The following SRD5A2 variants were observed in gnomAD, a reference collection of about 807,000 sequenced individuals.
SRD5A2 encodes steroid 5 alpha-reductase 2.
Under a neutral mutation model 27.4 loss-of-function variants are expected in SRD5A2, and 30 were observed. That is an observed-to-expected ratio of 1.10 (90% confidence interval 0.82 to 1.49). SRD5A2 has a LOEUF of 1.49. Among genes scored for constraint, SRD5A2 ranks in the 40% most tolerant of loss-of-function variants. SRD5A2 has a pLI of 0.00. For synonymous variants in SRD5A2, 141 were observed against 133.6 expected (o/e 1.06, Z -0.38); for missense variants, 348 against 323.4 (o/e 1.08, Z -0.58).
intron 1 of SRD5A2, among the ~76,000 whole-genome samples, chr2:31,577,735 T>C (rs906438135): frequency 6.6e-6 from 1 of 152,126 alleles, no homozygotes; most frequent in South Asian, 2.1e-4. Flanking sequence ...CTGATGCTTG[T>C]TCCTTAATGC....
Position 31,524,607 on chromosome 2 carries a change from G to A in SRD5A2, c.*1589C>T, listed in dbSNP as rs902500318. 7 of 229,784 alleles carry A rather than the reference G, an allele frequency of 3.0e-5. No individual in the cohort carries two copies. Among genetic ancestry groups the A allele is most frequent in the Admixed American group, 5.7e-5 (1 of 17,650 alleles). The allele number at this position is 229,784 out of a possible 1,614,324, so 14.2% of individuals were successfully genotyped here. A position where few individuals can be genotyped will look rare whatever the true frequency, so the allele number is the denominator to read the frequency against. On this transcript the variant is annotated 3_prime_UTR_variant, in exon 5 of 5. Transcript: ENST00000622030. The stretch of plus-strand genomic sequence containing the variant: ...CATCCATGATTTAAAGGTATTTAAT[G>A]AACAACAAAAACACTTATTTATATG...
upstream of SRD5A2, among the ~76,000 whole-genome samples, chr2:31,581,300 T>C (rs1667079344): frequency 6.6e-6 from 1 of 152,088 alleles, no homozygotes; most frequent in Admixed American, 6.5e-5. Flanking sequence ...ACACACACCC[T>C]CTGTGCCGTC....
chr2:31,528,961 C>T (rs1255981224), intron 4 of SRD5A2, among the ~76,000 whole-genome samples: 2 of 152,166 alleles, frequency 1.3e-5, no homozygotes, highest in East Asian at 3.9e-4. Context: ...CTGGTGGGCA[C>T]AGAGCCTGGG....
At chr2:31,533,098 G>T (rs1665950044) in intron 2 of SRD5A2, among the ~76,000 whole-genome samples, 1 of 152,128 alleles carries the variant, frequency 6.6e-6, no homozygotes, top group Non-Finnish European at 1.5e-5. Flanking sequence ...GCTATCATTG[G>T]TGTTAGTGAA....
chr2:31,625,538 T>C, the SRD5A2 span, among the ~76,000 whole-genome samples: 3 of 152,226 alleles, frequency 2.0e-5, no homozygotes, highest in Non-Finnish European at 2.9e-5. Flanking sequence ...AATTTTTGTA[T>C]AAAGTGTAAG....
At chr2:31,540,491 T>C (rs191237140) in intron 1 of SRD5A2, among the ~76,000 whole-genome samples, 19 of 151,904 alleles carry the variant, frequency 1.3e-4, no homozygotes, top group Admixed American at 1.2e-3. Flanking sequence ...GTAAACGTAA[T>C]AAAAAGGGGA....
At chr2:31,615,613 T>C in the SRD5A2 span, among the ~76,000 whole-genome samples, 4 of 152,120 alleles carry the variant, frequency 2.6e-5, no homozygotes, top group African/African-American at 9.6e-5. Flanking sequence ...GGAAACAGCA[T>C]AAAATTTTGG....
chr2:31,642,824 G>C, the SRD5A2 span, among the ~76,000 whole-genome samples: 1 of 152,068 alleles, frequency 6.6e-6, no homozygotes, highest in East Asian at 1.9e-4. Flanking sequence ...CAACAACTTA[G>C]CCAAACTACT....
rs1558353989 is a variant in SRD5A2 at position 31,525,240 on chromosome 2, T to C, written c.*956A>G. On this transcript the variant is annotated 3_prime_UTR_variant, in exon 5 of 5. Transcript: ENST00000622030. Reference sequence around the variant, plus strand: ...CCAGGAAAGGAAAGTTGCTTGGGGCTTCTGCTGTACTTCATATTGTTGTGG... The same window carrying C: ...CCAGGAAAGGAAAGTTGCTTGGGGCCTCTGCTGTACTTCATATTGTTGTGG... 9.0e-6 allele frequency: 2 copies of C among 222,792 alleles called. No individual in the cohort carries two copies. Among genetic ancestry groups the C allele is most frequent in the Non-Finnish European group, 1.8e-5 (2 of 111,526 alleles). 13.8% of individuals were successfully genotyped at this position (222,792 alleles called of 1,614,324 possible). A position where few individuals can be genotyped will look rare whatever the true frequency, so the allele number is the denominator to read the frequency against.
intron 1 of SRD5A2, among the ~76,000 whole-genome samples, chr2:31,561,386 T>G (rs947236268): frequency 6.6e-6 from 1 of 152,192 alleles, no homozygotes; most frequent in Admixed American, 6.5e-5. Flanking sequence ...CTTCTTCCCA[T>G]CTTACTCTGC....
At chr2:31,596,420 C>A in the SRD5A2 span, among the ~76,000 whole-genome samples, 2 of 149,904 alleles carry the variant, frequency 1.3e-5, no homozygotes, top group Non-Finnish European at 3.0e-5. Flanking sequence ...ATTCCCCCTG[C>A]AGACTGGAAC....
chr2:31,593,661 A>G, the SRD5A2 span, among the ~76,000 whole-genome samples: 1 of 152,232 alleles, frequency 6.6e-6, no homozygotes, highest in African/African-American at 2.4e-5. Context: ...TAATCTTCCT[A>G]GAGATCTAGA....
chr2:31,623,710 G>A, the SRD5A2 span, among the ~76,000 whole-genome samples: 12 of 151,948 alleles, frequency 7.9e-5, no homozygotes, highest in Middle Eastern at 9.5e-3. Context: ...TTCAAGATTC[G>A]CCCATTTAGT....
At chr2:31,579,499 T>C (rs1179128153) in intron 1 of SRD5A2, among the ~76,000 whole-genome samples, 1 of 152,206 alleles carries the variant, frequency 6.6e-6, no homozygotes, top group Non-Finnish European at 1.5e-5. Flanking sequence ...TGGGCTCTGT[T>C]CTCTTCTTGC....
the SRD5A2 span, among the ~76,000 whole-genome samples, chr2:31,587,468 C>T: frequency 6.6e-6 from 1 of 152,082 alleles, no homozygotes; most frequent in African/African-American, 2.4e-5. Flanking sequence ...TTTATGGCAG[C>T]ACTATTTACA....
At chr2:31,599,503 G>C in the SRD5A2 span, among the ~76,000 whole-genome samples, 8 of 151,918 alleles carry the variant, frequency 5.3e-5, no homozygotes, top group Admixed American at 6.6e-5. Flanking sequence ...GTAACAAGAG[G>C]AATTTTGGAA....
In SRD5A2 at chr2:31,536,731, C is replaced by CA. The variant is rs1553324523; in HGVS notation, c.282-2966dup. ...CTGTAGAAAAAGACAAAGACAATGA[C>CA]AGAAGCGGGAGAGAGTCTATTAGCC... On this transcript the variant is annotated intron_variant, in intron 1 of 4. Coordinates refer to ENST00000622030, the MANE Select transcript of SRD5A2 (RefSeq NM_000348.4). Among the ~76,000 whole-genome samples, 1,252 of 152,184 alleles carry CA rather than the reference C, an allele frequency of 8.2e-3. 13 individuals carry two copies. Among genetic ancestry groups the CA allele is most frequent in the Non-Finnish European group, 0.011 (770 of 68,018 alleles).
chr2:31,526,148 G>A lies in SRD5A2; in HGVS notation c.*48C>T. On this transcript the variant is annotated 3_prime_UTR_variant, in exon 5 of 5. Coordinates refer to ENST00000622030, the MANE Select transcript of SRD5A2 (RefSeq NM_000348.4). ...AAATTACAGTTTCAGCAGCTTGACA[G>A]TTTTCATCAGCATTGTGGGAGCTCT... is the stretch of plus-strand genomic sequence containing the variant. 1 of 1,221,604 alleles carries A rather than the reference G, an allele frequency of 8.2e-7. No individual in the cohort carries two copies. The highest frequency in any genetic ancestry group is 1.2e-6 in the Non-Finnish European group (1 of 851,772). 75.7% of individuals were successfully genotyped at this position (1,221,604 alleles called of 1,614,324 possible). A position where few individuals can be genotyped will look rare whatever the true frequency, so the allele number is the denominator to read the frequency against.
intron 1 of SRD5A2, among the ~76,000 whole-genome samples, chr2:31,567,138 T>G (rs1666746825): frequency 6.6e-6 from 1 of 152,206 alleles, no homozygotes; most frequent in Non-Finnish European, 1.5e-5. Context: ...TAACTTCCAG[T>G]GTTTCACAGT....
Sources: gnomAD v4.1 joint callset for allele counts (sites outside exome capture counted in the v4.1 genomes callset) on GRCh38, gnomAD v4.1.1 for gene constraint, MANE v1.5 for transcripts, NCBI Gene and HGNC (gene_info 2026-07-23, HGNC 2026-07-21) for gene names.